The following CCDC141 variants were observed in gnomAD, a reference collection of about 807,000 sequenced individuals.
The protein encoded by CCDC141 is coiled-coil domain containing 141.
A neutral mutation model predicts 181.0 loss-of-function variants in CCDC141; 168 were observed. That is an observed-to-expected ratio of 0.93 (90% CI 0.82 to 1.05). CCDC141 has a LOEUF of 1.05. Ranked by LOEUF, CCDC141 falls within the 50% of genes least tolerant of loss-of-function variation. The pLI, the probability that CCDC141 is intolerant of heterozygous loss-of-function variation, is 0.00. For missense variants in CCDC141, 1,902 were observed against 1,788.5 expected (o/e 1.06, Z -1.14); for synonymous variants, 666 against 642.3 (o/e 1.04, Z -0.56).
chr2:178,856,445 CAA>C, intron 17 of CCDC141, 48 bp from the exon 18 acceptor site: 1 of 1,374,270 alleles, frequency 7.3e-7, no homozygotes, highest in African/African-American at 1.4e-5. Context: ...AATGAGAAAA[CAA>C]AGTCACTTGC....
At chr2:179,048,478 CCT>C (rs1254061941) in intron 1 of CCDC141, among the ~76,000 whole-genome samples, 3 of 152,118 alleles carry the variant, frequency 2.0e-5, no homozygotes, top group African/African-American at 7.2e-5. Context: ...GTTCAATCTA[CCT>C]CTGATTCTTC....
intron 5 of CCDC141, among the ~76,000 whole-genome samples, chr2:178,956,801 C>G (rs1690179341): frequency 6.6e-6 from 1 of 152,100 alleles, no homozygotes; most frequent in Non-Finnish European, 1.5e-5. Context: ...CCTCCAATAA[C>G]TAAACAGTAT....
At chr2:179,022,570 A>C (rs915213308) in intron 2 of CCDC141, among the ~76,000 whole-genome samples, 18 of 152,128 alleles carry the variant, frequency 1.2e-4, no homozygotes, top group Non-Finnish European at 2.6e-4. Context: ...AAACCACTCC[A>C]GCTAAATTAA....
At chr2:178,883,639 A>C (rs1449998270) in intron 11 of CCDC141, among the ~76,000 whole-genome samples, 5 of 152,206 alleles carry the variant, frequency 3.3e-5, no homozygotes, top group Non-Finnish European at 7.4e-5. Flanking sequence ...GCACATACTT[A>C]TCTTGGGTTG....
intron 6 of CCDC141, among the ~76,000 whole-genome samples, chr2:178,929,062 T>C (rs982313134): frequency 6.6e-6 from 1 of 152,218 alleles, no homozygotes; most frequent in African/African-American, 2.4e-5. Context: ...ACAGGGGAAT[T>C]GAAATGCTCT....
intron 3 of CCDC141, among the ~76,000 whole-genome samples, chr2:178,975,604 T>A (rs1691085105): frequency 6.6e-6 from 1 of 152,134 alleles, no homozygotes. Context: ...TACAAGTAAA[T>A]GTAGCTTAGG....
At chr2:179,028,810 C>T (rs190080856) in intron 2 of CCDC141, among the ~76,000 whole-genome samples, 2 of 152,254 alleles carry the variant, frequency 1.3e-5, no homozygotes, top group East Asian at 3.9e-4. Context: ...AGTCTAAATT[C>T]CAACGTCTAT....
chr2:178,845,716 C>T lies in CCDC141; in HGVS notation c.3384G>A (p.Pro1128=), dbSNP rs754763045. 1.5e-5 allele frequency: 24 copies of T among 1,611,140 alleles called. No homozygotes were observed. Among genetic ancestry groups the T allele is most frequent in the South Asian group, 9.9e-5 (9 of 91,006 alleles). ...AATCATAATGGAAGTCTTCCAAATT[C>T]GGATTCATCTTTAAAACATCTCCCT... The part of the protein sequence containing the change: ...LKQGDVLKMN[P]NLEDFHYDYI... The change falls in exon 22 of 24, where the codon CCG becomes CCA. Residue 1128 remains proline, a synonymous_variant. Transcript: ENST00000443758.
downstream of CCDC141, among the ~76,000 whole-genome samples, chr2:178,825,145 T>C (rs142304489): frequency 9.6e-3 from 1,457 of 152,352 alleles, 10 homozygotes; most frequent in Non-Finnish European, 0.016. Flanking sequence ...AATAGCCGTT[T>C]GTATTTTATC....
chr2:178,944,601 T>C lies in CCDC141; in HGVS notation c.831A>G (p.Leu277=). Reference sequence around the variant, plus strand: ...CCTCATTGTCTGAAAGTGATGAACCTAGACTTTGTTCCTGTAAATTTCTTA... The same window carrying C: ...CCTCATTGTCTGAAAGTGATGAACCCAGACTTTGTTCCTGTAAATTTCTTA... ...KTIRNLQEQS[L]GSSLSDNEDR... is the part of the protein sequence containing the mutation. Residue 277 remains leucine, a synonymous_variant, in exon 6 of 24, where the codon CTA becomes CTG. Transcript: ENST00000443758. 6.5e-7 allele frequency: 1 copy of C among 1,537,108 alleles called. No individual in the cohort carries two copies. Among genetic ancestry groups the C allele is most frequent in the South Asian group, 1.2e-5 (1 of 81,342 alleles).
chr2:178,988,542 G>A (rs1691872474), intron 2 of CCDC141, among the ~76,000 whole-genome samples: 1 of 152,074 alleles, frequency 6.6e-6, no homozygotes, highest in Non-Finnish European at 1.5e-5. Context: ...CCACGTTTAT[G>A]AGTTGGAAGA....
intron 1 of CCDC141, 70 bp downstream of exon 1, chr2:179,049,770 G>A (rs2043618427): frequency 4.7e-6 from 7 of 1,503,582 alleles, no homozygotes; most frequent in Non-Finnish European, 6.3e-6. Context: ...TGCATGGAAT[G>A]TTCTTTAGGG....
At chr2:178,989,680 G>T (rs1691948738) in intron 2 of CCDC141, among the ~76,000 whole-genome samples, 1 of 149,550 alleles carries the variant, frequency 6.7e-6, no homozygotes, top group Non-Finnish European at 1.5e-5. Context: ...CATAAAATGG[G>T]CAACGGACTT....
intron 2 of CCDC141, among the ~76,000 whole-genome samples, chr2:178,996,551 G>T (rs1692296675): frequency 6.6e-6 from 1 of 152,154 alleles, no homozygotes; most frequent in Non-Finnish European, 1.5e-5. Flanking sequence ...TAATAGGGTT[G>T]CCTTTGGAAC....
chr2:178,930,929 T>C (rs539380033), intron 6 of CCDC141, among the ~76,000 whole-genome samples: 1 of 152,158 alleles, frequency 6.6e-6, no homozygotes, highest in Non-Finnish European at 1.5e-5. Context: ...ACCAAAAACA[T>C]AGCAAAAAAT....
intron 2 of CCDC141, among the ~76,000 whole-genome samples, chr2:178,992,395 G>A (rs1056989644): frequency 1.6e-5 from 2 of 127,800 alleles, no homozygotes; most frequent in African/African-American, 3.0e-5. Context: ...AAAAACACAT[G>A]CCATTGCTGT....
intron 5 of CCDC141, among the ~76,000 whole-genome samples, chr2:178,949,968 A>G (rs910491787): frequency 6.6e-6 from 1 of 152,240 alleles, no homozygotes; most frequent in African/African-American, 2.4e-5. Flanking sequence ...TTGTTCTACA[A>G]TATGAAATCA....
intron 2 of CCDC141, among the ~76,000 whole-genome samples, chr2:179,030,403 G>T (rs1045994067): frequency 6.6e-6 from 1 of 151,848 alleles, no homozygotes; most frequent in Non-Finnish European, 1.5e-5. Flanking sequence ...ATTGCATTTG[G>T]CCTCCCGTGT....
chr2:178,893,203 G>A (rs1687238094), intron 8 of CCDC141, among the ~76,000 whole-genome samples: 1 of 146,646 alleles, frequency 6.8e-6, no homozygotes, highest in African/African-American at 2.5e-5. Context: ...GGAAGTGGAG[G>A]GGGAAGAAAA....
Sources: gnomAD v4.1 joint callset for allele counts (sites outside exome capture counted in the v4.1 genomes callset) on GRCh38, gnomAD v4.1.1 for gene constraint, MANE v1.5 for transcripts, NCBI Gene and HGNC (gene_info 2026-07-23, HGNC 2026-07-21) for gene names.